Variants in MAGEA1 observed in about 807,000 individuals in gnomAD.
MAGEA1 encodes the protein melanoma-associated antigen 1.
For missense variants in MAGEA1, 182 were observed against 233.7 expected, an observed-to-expected ratio of 0.78 and a Z score of 1.44; for synonymous variants, 101 against 96.7, an observed-to-expected ratio of 1.04 and a Z score of -0.26.
In MAGEA1 at chrX:153,183,698, T is replaced by C. The variant is rs2051508582; in HGVS notation, c.*379T>C. 6.1e-6 allele frequency: 1 copy of C among 162,626 alleles called. No homozygotes were observed. The allele number at this position is 162,626 out of a possible 1,213,427, so 13.4% of individuals were successfully genotyped here. A position where few individuals can be genotyped will look rare whatever the true frequency, so the allele number is the denominator to read the frequency against. ...CAGCAGTGGAATAAGTACTTAGAAA[T>C]GTGAAAAATGAGCAGTAAAATAGAT... is the stretch of plus-strand genomic sequence containing the variant. On this transcript the variant is annotated 3_prime_UTR_variant, in exon 3 of 3. Coordinates refer to ENST00000356661, the MANE Select transcript of MAGEA1 (RefSeq NM_004988.5).
At chrX:153,179,987 T>C (rs1158340623) in intron 1 of MAGEA1, among the ~76,000 whole-genome samples, 1 of 108,450 alleles carries the variant, frequency 9.2e-6, no homozygotes, top group Non-Finnish European at 1.9e-5. Context: ...GTTCATTTAA[T>C]GGTTCTGAGG....
At position 153,183,167 on chromosome X, in the gene MAGEA1, G is replaced by C. The variant is rs1450308862; in HGVS notation, c.778G>C (p.Ala260Pro). ...EYRQVPDSDP[A>P]RYEFLWGPRA... ...CCGGCAGGTGCCGGACAGTGATCCC[G>C]CACGCTATGAGTTCCTGTGGGGTCC... Residue 260 changes from alanine (A) to proline (P), a missense_variant, in exon 3 of 3, where the codon GCA (alanine) becomes CCA (proline). Physicochemically the swap from Ala to Pro is conservative, Grantham distance 27 (BLOSUM62 -1). Coordinates refer to ENST00000356661, the MANE Select transcript of MAGEA1 (RefSeq NM_004988.5). 2 of 1,212,251 alleles carry C rather than the reference G, an allele frequency of 1.6e-6. No individual in the cohort carries two copies. Among genetic ancestry groups the C allele is most frequent in the Non-Finnish European group, 2.2e-6 (2 of 895,590 alleles).
chrX:153,182,170 C>T lies in MAGEA1; in HGVS notation c.-138-7C>T, dbSNP rs1602751234. The T allele has an allele frequency of 2.5e-6, 2 of 811,592 alleles. No individual in the cohort carries two copies. Among genetic ancestry groups the T allele is most frequent in the South Asian group, 2.1e-5 (1 of 47,672 alleles). 66.9% of individuals were successfully genotyped at this position (811,592 alleles called of 1,213,427 possible). On this transcript the variant is annotated splice_region_variant and splice_polypyrimidine_tract_variant and intron_variant, in intron 1 of 2. Coordinates refer to ENST00000356661, the MANE Select transcript of MAGEA1 (RefSeq NM_004988.5). ...TACCCTGAGTACCCTCTCACTTCCT[C>T]CTTCAGGTTTTCAGGGGACAGGCCA... is the stretch of plus-strand genomic sequence containing the variant.
chrX:153,180,652 G>A (rs1488736486), intron 1 of MAGEA1, among the ~76,000 whole-genome samples: 1 of 111,721 alleles, frequency 9.0e-6, no homozygotes, highest in Non-Finnish European at 1.9e-5. Flanking sequence ...GAATGATGGG[G>A]ACTCAGATTA....
rs782247774 is a variant in MAGEA1, at chrX:153,182,530, C to T, written c.141C>T (p.Pro47=). 28 of 1,209,749 alleles carry T rather than the reference C, an allele frequency of 2.3e-5. No individual in the cohort carries two copies. The highest frequency in any genetic ancestry group is 3.5e-5 in the African/African-American group (2 of 57,073). The change falls in exon 3 of 3, where the codon CCC becomes CCT. Residue 47 remains proline, a synonymous_variant. Coordinates refer to ENST00000356661, the MANE Select transcript of MAGEA1 (RefSeq NM_004988.5). The stretch of plus-strand genomic sequence containing the variant: ...TCCTGGGCACCCTGGAGGAGGTGCC[C>T]ACTGCTGGGTCAACAGATCCTCCCC... The part of the protein sequence containing the change: ...PLVLGTLEEV[P]TAGSTDPPQS...
intron 1 of MAGEA1, among the ~76,000 whole-genome samples, chrX:153,180,702 G>A (rs1031439436): frequency 1.8e-5 from 2 of 111,948 alleles, no homozygotes; most frequent in East Asian, 5.7e-4. Context: ...CTTACGCGGA[G>A]GAAGAGGAGG....
Position 153,182,996 on chromosome X carries a change from G to A in MAGEA1, c.607G>A (p.Ala203Thr). The A allele has an allele frequency of 8.3e-7, 1 of 1,211,683 alleles. No homozygotes were observed. Among genetic ancestry groups the A allele is most frequent in the South Asian group, 1.8e-5 (1 of 56,961 alleles). The part of the protein sequence containing the change: ...GFLIIVLVMI[A>T]MEGGHAPEEE... ...CCTGATAATTGTCCTGGTCATGATT[G>A]CAATGGAGGGCGGCCATGCTCCTGA... Residue 203 changes from alanine (A) to threonine (T), a missense_variant, in exon 3 of 3, where the codon GCA (alanine) becomes ACA (threonine). By Grantham distance (58) the Ala-to-Thr change is moderately conservative. Coordinates refer to ENST00000356661, the MANE Select transcript of MAGEA1 (RefSeq NM_004988.5).
At position 153,182,748 on chromosome X, in the gene MAGEA1, G is replaced by A; in HGVS notation, c.359G>A (p.Arg120Lys). ...VGFLLLKYRAREPVTKAEMLE... is the reference protein window; with the variant it reads ...VGFLLLKYRAKEPVTKAEMLE... ...TTTCTGCTCCTCAAATATCGAGCCA[G>A]GGAGCCAGTCACAAAGGCAGAAATG... Residue 120 changes from arginine (R) to lysine (K), a missense_variant, in exon 3 of 3, where the codon AGG (arginine) becomes AAG (lysine). Transcript: ENST00000356661. 2 of 1,212,081 alleles carry A rather than the reference G, an allele frequency of 1.7e-6. No homozygotes were observed. The highest frequency in any genetic ancestry group is 2.2e-6 in the Non-Finnish European group (2 of 895,574).
In MAGEA1 at chrX:153,183,367, C is replaced by T. The variant is rs1385364137; in HGVS notation, c.*48C>T. ...GTGGGAGGGGGACTGGGCCAGTGCA[C>T]CTTCCAGGGCCGCGTCCAGCAGCTT... is the stretch of plus-strand genomic sequence containing the variant. On this transcript the variant is annotated 3_prime_UTR_variant, in exon 3 of 3. Transcript: ENST00000356661. The T allele has an allele frequency of 8.9e-7, 1 of 1,125,992 alleles. No homozygotes were observed. The highest frequency in any genetic ancestry group is 1.2e-6 in the Non-Finnish European group (1 of 833,061). The allele number at this position is 1,125,992 out of a possible 1,213,427, so 92.8% of individuals were successfully genotyped here.
chrX:153,182,425 T>C lies in MAGEA1; in HGVS notation c.36T>C (p.Pro12=), dbSNP rs782115526. The change falls in exon 3 of 3, where the codon CCT becomes CCC. Residue 12 remains proline, a synonymous_variant. Coordinates refer to ENST00000356661, the MANE Select transcript of MAGEA1 (RefSeq NM_004988.5). ...AGCAGAGGAGTCTGCACTGCAAGCC[T>C]GAGGAAGCCCTTGAGGCCCAACAAG... ...SLEQRSLHCK[P]EEALEAQQEA... is the part of the protein sequence containing the mutation. 20 of 1,209,010 alleles carry C rather than the reference T, an allele frequency of 1.7e-5. No individual in the cohort carries two copies. The African/African-American group carries it at 2.6e-4, about 16-fold the overall frequency.
chrX:153,183,506 T>C lies in MAGEA1; in HGVS notation c.*187T>C. On this transcript the variant is annotated 3_prime_UTR_variant, in exon 3 of 3. Transcript: ENST00000356661. ...CTTGGAGATTTATCTTTGTTCTCTT[T>C]TGGAATTGTTCAAATGTTTTTTTTT... The C allele has an allele frequency of 2.1e-6, 1 of 470,047 alleles. No homozygotes were observed. The highest frequency in any genetic ancestry group is 3.7e-5 in the East Asian group (1 of 26,821). 38.7% of individuals were successfully genotyped at this position (470,047 alleles called of 1,213,427 possible).
intron 1 of MAGEA1, among the ~76,000 whole-genome samples, chrX:153,180,100 C>T (rs1385088671): frequency 9.0e-6 from 1 of 110,573 alleles, no homozygotes; most frequent in African/African-American, 3.3e-5. Flanking sequence ...GGTAGATGGC[C>T]CCAAAATGAT....
At position 153,179,316 on chromosome X, in the gene MAGEA1, G is replaced by A. The variant is rs1011192852; in HGVS notation, c.-188G>A. 2 of 102,765 alleles carry A rather than the reference G, an allele frequency of 1.9e-5. No individual in the cohort carries two copies. The highest frequency in any genetic ancestry group is 4.0e-5 in the Non-Finnish European group (2 of 50,390). The allele number at this position is 102,765 out of a possible 1,213,427, so 8.5% of individuals were successfully genotyped here. A position where few individuals can be genotyped will look rare whatever the true frequency, so the allele number is the denominator to read the frequency against. ...AGCGAGGTTTCCATTCTGAGGGACG[G>A]CGTAGAGTTCGGCCGAAGGAACCTG... On this transcript the variant is annotated 5_prime_UTR_variant, in exon 1 of 3. Coordinates refer to ENST00000356661, the MANE Select transcript of MAGEA1 (RefSeq NM_004988.5).
At position 153,182,205 on chromosome X, in the gene MAGEA1, A is replaced by G; in HGVS notation, c.-110A>G. 1 of 1,009,348 alleles carries G rather than the reference A, an allele frequency of 9.9e-7. No individual in the cohort carries two copies. Among genetic ancestry groups the G allele is most frequent in the Non-Finnish European group, 1.4e-6 (1 of 715,148 alleles). 83.2% of individuals were successfully genotyped at this position (1,009,348 alleles called of 1,213,427 possible). A position where few individuals can be genotyped will look rare whatever the true frequency, so the allele number is the denominator to read the frequency against. On this transcript the variant is annotated 5_prime_UTR_variant, in exon 2 of 3. Transcript: ENST00000356661. ...TTCAGGGGACAGGCCAACCCAGAGG[A>G]CAGGATTCCCTGGAGGCCACAGAGG...
Position 153,183,470 on chromosome X carries a change from C to G in MAGEA1, c.*151C>G. On this transcript the variant is annotated 3_prime_UTR_variant, in exon 3 of 3. Coordinates refer to ENST00000356661, the MANE Select transcript of MAGEA1 (RefSeq NM_004988.5). Reference sequence around the variant, plus strand: ...GTGTTCTCAGTAGTAGGTTTCTGTTCTATTGGGTGACTTGGAGATTTATCT... The same window carrying G: ...GTGTTCTCAGTAGTAGGTTTCTGTTGTATTGGGTGACTTGGAGATTTATCT... The G allele has an allele frequency of 1.9e-6, 1 of 524,805 alleles. No individual in the cohort carries two copies. Among genetic ancestry groups the G allele is most frequent in the Non-Finnish European group, 3.2e-6 (1 of 311,139 alleles). 43.2% of individuals were successfully genotyped at this position (524,805 alleles called of 1,213,427 possible).
chrX:153,183,385 A>C lies in MAGEA1; in HGVS notation c.*66A>C, dbSNP rs1240089719. Reference sequence around the variant, plus strand: ...CAGTGCACCTTCCAGGGCCGCGTCCAGCAGCTTCCCCTGCCTCGTGTGACA... The same window carrying C: ...CAGTGCACCTTCCAGGGCCGCGTCCCGCAGCTTCCCCTGCCTCGTGTGACA... On this transcript the variant is annotated 3_prime_UTR_variant, in exon 3 of 3. Transcript: ENST00000356661. 2.8e-6 allele frequency: 3 copies of C among 1,060,797 alleles called. No individual in the cohort carries two copies. Among genetic ancestry groups the C allele is most frequent in the African/African-American group, 1.8e-5 (1 of 54,115 alleles). The allele number at this position is 1,060,797 out of a possible 1,213,427, so 87.4% of individuals were successfully genotyped here. A position where few individuals can be genotyped will look rare whatever the true frequency, so the allele number is the denominator to read the frequency against.
At chrX:153,180,292 G>A (rs782511746) in intron 1 of MAGEA1, among the ~76,000 whole-genome samples, 3 of 111,404 alleles carry the variant, frequency 2.7e-5, no homozygotes, top group South Asian at 3.8e-4. Flanking sequence ...CCAGGCATCC[G>A]CCCGGCATTA....
chrX:153,182,613 AACCCAGTGAGGGTTCCAGC>A lies in MAGEA1; in HGVS notation c.226_244del (p.Pro76AlafsTer20), dbSNP rs782504257. The A allele has an allele frequency of 5.8e-6, 7 of 1,211,830 alleles. No homozygotes were observed. Among genetic ancestry groups the A allele is most frequent in the Non-Finnish European group, 7.8e-6 (7 of 895,442 alleles). On this transcript the variant is annotated frameshift_variant, in exon 3 of 3. Coordinates refer to ENST00000356661, the MANE Select transcript of MAGEA1 (RefSeq NM_004988.5). LOFTEE classifies it low-confidence loss of function (END_TRUNC). ...ACCATCAACTTCACTCGACAGAGGCAACCCAGTGAGGGTTCCAGCAGCCGTGAAGAGGAGGGGCCAAGCA... is the reference window on the plus strand; with the variant it reads ...ACCATCAACTTCACTCGACAGAGGCAAGCCGTGAAGAGGAGGGGCCAAGCA...
rs782169023 is a variant in MAGEA1 at position 153,183,054 on chromosome X, A to G, written c.665A>G (p.Glu222Gly). 3 of 1,209,838 alleles carry G rather than the reference A, an allele frequency of 2.5e-6. No individual in the cohort carries two copies. Among genetic ancestry groups the G allele is most frequent in the East Asian group, 3.0e-5 (1 of 33,738 alleles). ...ATCTGGGAGGAGCTGAGTGTGATGG[A>G]GGTGTATGATGGGAGGGAGCACAGT... ...EEIWEELSVM[E>G]VYDGREHSAY... Residue 222 changes from glutamate (E) to glycine (G), a missense_variant, in exon 3 of 3, where the codon GAG becomes GGG. Coordinates refer to ENST00000356661, the MANE Select transcript of MAGEA1 (RefSeq NM_004988.5).
Sources: gnomAD v4.1 joint callset for allele counts (sites outside exome capture counted in the v4.1 genomes callset) on GRCh38, gnomAD v4.1.1 for gene constraint, MANE v1.5 for transcripts, NCBI Gene and HGNC (gene_info 2026-07-23, HGNC 2026-07-21) for gene names.